Variants in FOXP1 observed in about 807,000 individuals in gnomAD.
FOXP1 encodes the protein forkhead box P1.
In FOXP1, 15 loss-of-function variants were observed where a neutral mutation model predicts 98.2. The ratio of observed to expected loss-of-function variants is 0.15; its 90% CI spans 0.10 to 0.24. FOXP1 has a LOEUF of 0.24. Ranked by LOEUF, FOXP1 falls within the 10% of genes least tolerant of loss-of-function variation. The pLI, the probability that FOXP1 is intolerant of heterozygous loss-of-function variation, is 1.00. For missense variants in FOXP1, 633 were observed against 848.5 expected (o/e 0.75, Z 3.15); for synonymous variants, 371 against 314.5 (o/e 1.18, Z -1.90).
intron 4 of FOXP1, among the ~76,000 whole-genome samples, chr3:71,312,349 G>A (rs929786272): frequency 5.3e-5 from 8 of 152,048 alleles, no homozygotes; most frequent in Admixed American, 1.3e-4. Context: ...CAGGGTGGAG[G>A]TATAGATAAT....
At chr3:71,222,321 T>G (rs1017304736) in intron 5 of FOXP1, among the ~76,000 whole-genome samples, 4 of 152,202 alleles carry the variant, frequency 2.6e-5, no homozygotes, top group Admixed American at 2.6e-4. Context: ...ACACCTGACA[T>G]GGAGGCCACT....
chr3:71,112,718 C>A, intron 6 of FOXP1, 81 bp from the exon 7 acceptor site: 1 of 1,009,896 alleles, frequency 9.9e-7, no homozygotes, highest in East Asian at 2.4e-5. Flanking sequence ...CCAGGAAGTG[C>A]GCTTTGGGAC....
chr3:71,263,388 T>C lies in FOXP1; in HGVS notation c.-12+36432A>G, dbSNP rs1360846926. The stretch of plus-strand genomic sequence containing the variant: ...ATCGGATGTGGGGGAATTGGGTTTT[T>C]ATTGTTCTGTTGTTGCTTATCTTGA... On this transcript the variant is annotated intron_variant, in intron 5 of 20. Coordinates refer to ENST00000649528, the MANE Select transcript of FOXP1 (RefSeq NM_001349338.3). Among the ~76,000 whole-genome samples, 5 of 152,332 alleles carry C rather than the reference T, an allele frequency of 3.3e-5. No individual in the cohort carries two copies. In the East Asian group the frequency reaches 9.6e-4, roughly 29 times the overall value.
chr3:71,450,955 A>T (rs1233382768), intron 3 of FOXP1, among the ~76,000 whole-genome samples: 1 of 152,216 alleles, frequency 6.6e-6, no homozygotes, highest in African/African-American at 2.4e-5. Context: ...ATGGCACTAC[A>T]GGCGTTTAGC....
chr3:71,040,591 A>G (rs1410041778), intron 11 of FOXP1, among the ~76,000 whole-genome samples: 1 of 152,150 alleles, frequency 6.6e-6, no homozygotes, highest in African/African-American at 2.4e-5. Flanking sequence ...CATATTCTGG[A>G]TCTCTAAAAC....
intron 3 of FOXP1, among the ~76,000 whole-genome samples, chr3:71,456,676 G>A (rs528677474): frequency 5.9e-5 from 9 of 152,194 alleles, no homozygotes; most frequent in East Asian, 5.8e-4. Flanking sequence ...CAGAAACGTC[G>A]TGAGATACCC....
At chr3:70,962,484 G>C (rs1490205345) in intron 20 of FOXP1, among the ~76,000 whole-genome samples, 1 of 152,142 alleles carries the variant, frequency 6.6e-6, no homozygotes, top group Admixed American at 6.5e-5. Context: ...CATTATTTGT[G>C]AAAAATATTT....
intron 5 of FOXP1, among the ~76,000 whole-genome samples, chr3:71,271,771 C>A (rs905925865): frequency 1.3e-5 from 2 of 152,116 alleles, no homozygotes; most frequent in African/African-American, 4.8e-5. Context: ...AGAAAGGAGA[C>A]AAAGAGGAAA....
intron 6 of FOXP1, among the ~76,000 whole-genome samples, chr3:71,150,377 T>C (rs2060508162): frequency 6.6e-6 from 1 of 152,222 alleles, no homozygotes; most frequent in African/African-American, 2.4e-5. Context: ...AGAAAGGCAG[T>C]TCATATTCTA....
chr3:71,156,515 A>G (rs899206115), intron 6 of FOXP1, among the ~76,000 whole-genome samples: 14 of 151,590 alleles, frequency 9.2e-5, no homozygotes, highest in African/African-American at 3.2e-4. Flanking sequence ...GGAGGGGGGG[A>G]AAAGAGTGAG....
intron 2 of FOXP1, among the ~76,000 whole-genome samples, chr3:71,556,564 G>A (rs890000087): frequency 4.2e-5 from 5 of 119,338 alleles, no homozygotes; most frequent in Admixed American, 1.1e-4. Flanking sequence ...GCGACAGAGC[G>A]AGACTCCGTC....
At chr3:71,529,534 T>C (rs550173978) in intron 2 of FOXP1, among the ~76,000 whole-genome samples, 1 of 152,334 alleles carries the variant, frequency 6.6e-6, no homozygotes, top group Admixed American at 6.5e-5. Flanking sequence ...ACCAGCCACA[T>C]GATTGCAGAG....
intron 3 of FOXP1, among the ~76,000 whole-genome samples, chr3:71,430,394 G>A (rs1343076850): frequency 6.6e-6 from 1 of 152,086 alleles, no homozygotes; most frequent in Non-Finnish European, 1.5e-5. Flanking sequence ...TTTTATAACA[G>A]ATGACAAATT....
At chr3:71,564,661 T>G (rs1198110317) in intron 2 of FOXP1, among the ~76,000 whole-genome samples, 1 of 152,214 alleles carries the variant, frequency 6.6e-6, no homozygotes, top group African/African-American at 2.4e-5. Context: ...AGGCTGAGAT[T>G]AGCAACACTC....
At chr3:71,382,757 G>A (rs556571859) in intron 3 of FOXP1, among the ~76,000 whole-genome samples, 2 of 152,286 alleles carry the variant, frequency 1.3e-5, no homozygotes, top group South Asian at 2.1e-4. Context: ...CTTTAAGCCT[G>A]CCTTTACTGG....
chr3:71,485,525 T>G (rs1343853335), intron 3 of FOXP1, among the ~76,000 whole-genome samples: 1 of 152,158 alleles, frequency 6.6e-6, no homozygotes, highest in Non-Finnish European at 1.5e-5. Flanking sequence ...TCCCAGCACT[T>G]TGGGAGGCCA....
intron 2 of FOXP1, among the ~76,000 whole-genome samples, chr3:71,518,139 G>GT (rs1231394032): frequency 6.6e-6 from 1 of 151,142 alleles, no homozygotes; most frequent in Non-Finnish European, 1.5e-5. Flanking sequence ...TTTGTTTTTT[G>GT]TTTTTTGTTT....
At chr3:71,057,964 G>T (rs192343993) in intron 7 of FOXP1, among the ~76,000 whole-genome samples, 2 of 152,110 alleles carry the variant, frequency 1.3e-5, no homozygotes, top group South Asian at 4.1e-4. Flanking sequence ...GCCTGATACG[G>T]TTTTTTCTTC....
intron 6 of FOXP1, among the ~76,000 whole-genome samples, chr3:71,115,691 C>G (rs954166518): frequency 6.7e-6 from 1 of 150,372 alleles, no homozygotes; most frequent in African/African-American, 2.4e-5. Context: ...CTCACTTCAG[C>G]AAAGTGTCTT....
Sources: allele counts gnomAD v4.1 joint callset (sites outside exome capture counted in the v4.1 genomes callset), GRCh38; gene constraint gnomAD v4.1.1; transcripts MANE v1.5; gene names NCBI Gene and HGNC (gene_info 2026-07-23, HGNC 2026-07-21).